Variants in TRPC6 observed in about 807,000 individuals in gnomAD.
TRPC6 encodes transient receptor potential cation channel subfamily C member 6.
In TRPC6, 55 loss-of-function variants were observed where a neutral mutation model predicts 90.7. That is an observed-to-expected ratio of 0.61 (90% CI 0.49 to 0.76). The LOEUF (loss-of-function observed/expected upper bound fraction) is 0.76. Ranked by LOEUF, TRPC6 falls within the 30% of genes least tolerant of loss-of-function variation. The pLI is 0.00. For synonymous variants in TRPC6, 393 were observed against 393.0 expected (o/e 1.00, Z 0.00); for missense variants, 989 against 1,122.7 (o/e 0.88, Z 1.70).
rs1419102467 is a variant in TRPC6 at position 101,483,120 on chromosome 11, C to A, written c.1339G>T (p.Ala447Ser). The A allele has an allele frequency of 6.2e-7, 1 of 1,614,000 alleles. No individual in the cohort carries two copies. The highest frequency in any genetic ancestry group is 8.5e-7 in the Non-Finnish European group (1 of 1,179,924). ...RGPFMKFVAH[A>S]ASFTIFLGLL... is the part of the protein sequence containing the mutation. ...CCCAGAAAAATGGTGAAGGAGGCTGCGTGTGCTACAAACTTCATGAATGGT... is the reference window on the plus strand; with the variant it reads ...CCCAGAAAAATGGTGAAGGAGGCTGAGTGTGCTACAAACTTCATGAATGGT... The change falls in exon 5 of 13, where the codon GCA becomes TCA. Residue 447 changes from alanine to serine, a missense_variant. Around this residue, in one of 4 missense-constraint regions of TRPC6, gnomAD observed 486 missense variants for 591.9 expected, o/e 0.82. Coordinates refer to ENST00000344327, the MANE Select transcript of TRPC6 (RefSeq NM_004621.6).
chr11:101,514,577 G>A (rs1051178562), intron 1 of TRPC6, among the ~76,000 whole-genome samples: 15 of 152,168 alleles, frequency 9.9e-5, no homozygotes, highest in South Asian at 4.1e-4. Context: ...AGGATTTCTG[G>A]TTCCTGGCTC....
intron 1 of TRPC6, among the ~76,000 whole-genome samples, chr11:101,530,306 G>A (rs528637941): frequency 1.9e-4 from 29 of 152,138 alleles, no homozygotes; most frequent in African/African-American, 7.0e-4. Context: ...CTGGGAAGCA[G>A]GCTTGCTGAA....
At chr11:101,502,045 A>G (rs1404784314) in intron 2 of TRPC6, among the ~76,000 whole-genome samples, 1 of 152,152 alleles carries the variant, frequency 6.6e-6, no homozygotes, top group Non-Finnish European at 1.5e-5. Context: ...TGCTCAAGAC[A>G]ATGGAGCAAA....
chr11:101,578,972 G>GT (rs927361655), intron 1 of TRPC6, among the ~76,000 whole-genome samples: 4 of 151,498 alleles, frequency 2.6e-5, no homozygotes, highest in South Asian at 2.1e-4. Flanking sequence ...TTTAAATGGG[G>GT]TTTTTTTTCT....
chr11:101,470,661 G>T (rs1859267279), intron 9 of TRPC6, among the ~76,000 whole-genome samples: 1 of 152,064 alleles, frequency 6.6e-6, no homozygotes, highest in South Asian at 2.1e-4. Flanking sequence ...GCATCACCTT[G>T]TGGGATTACT....
rs1860218136 is a variant in TRPC6 at position 101,504,755 on chromosome 11, G to C, written c.214C>G (p.Leu72Val). Reference protein sequence around the residue: ...NRLAHRRQTVLREKGRRLANR... With the variant: ...NRLAHRRQTVVREKGRRLANR... ...GCTAACCTTCTCCCCTTCTCACGGAGAACTGTCTGCCGCCGGTGAGCCAGT... is the reference window on the plus strand; with the variant it reads ...GCTAACCTTCTCCCCTTCTCACGGACAACTGTCTGCCGCCGGTGAGCCAGT... The change falls in exon 2 of 13, where the codon CTC becomes GTC. Residue 72 changes from leucine to valine, a missense_variant. Coordinates refer to ENST00000344327, the MANE Select transcript of TRPC6 (RefSeq NM_004621.6). 6.2e-7 allele frequency: 1 copy of C among 1,605,138 alleles called. No individual in the cohort carries two copies. Among genetic ancestry groups the C allele is most frequent in the South Asian group, 1.1e-5 (1 of 89,662 alleles).
intron 1 of TRPC6, among the ~76,000 whole-genome samples, chr11:101,572,190 C>T (rs1188869423): frequency 1.3e-5 from 2 of 151,476 alleles, no homozygotes; most frequent in Non-Finnish European, 3.0e-5. Flanking sequence ...AACAAACAAC[C>T]CCATCAAAAA....
intron 10 of TRPC6, among the ~76,000 whole-genome samples, chr11:101,455,914 C>T (rs1858871334): frequency 6.6e-6 from 1 of 152,016 alleles, no homozygotes; most frequent in African/African-American, 2.4e-5. Flanking sequence ...TATAAATGAA[C>T]ATAAGCAATT....
At chr11:101,539,304 A>G (rs527626715) in intron 1 of TRPC6, among the ~76,000 whole-genome samples, 10 of 152,164 alleles carry the variant, frequency 6.6e-5, no homozygotes, top group Non-Finnish European at 1.2e-4. Context: ...ATTGACCATA[A>G]GCCTTGTGCA....
intron 5 of TRPC6, among the ~76,000 whole-genome samples, chr11:101,481,966 T>C (rs1479736875): frequency 1.3e-5 from 2 of 152,198 alleles, no homozygotes; most frequent in South Asian, 2.1e-4. Flanking sequence ...AATGTTCCCA[T>C]GCCATCCTTG....
Position 101,476,386 on chromosome 11 carries a change from T to G in TRPC6, c.1659A>C (p.Lys553Asn). The G allele has an allele frequency of 6.2e-7, 1 of 1,614,144 alleles. No individual in the cohort carries two copies. The highest frequency in any genetic ancestry group is 8.5e-7 in the Non-Finnish European group (1 of 1,180,008). ...CATTTGCGTCAATGATGCTCTGGGC[T>G]TTGGAAGCATGCCAAAATGCCATGA... is the stretch of plus-strand genomic sequence containing the variant. ...ARFMAFWHAS[K>N]AQSIIDANDT... is the part of the protein sequence containing the mutation. Residue 553 changes from lysine to asparagine, a missense_variant, in exon 6 of 13, where the codon AAA (lysine) becomes AAC (asparagine). Lys to Asn is a moderately conservative substitution (Grantham distance 94). Around this residue, in one of 4 missense-constraint regions of TRPC6, gnomAD observed 486 missense variants for 591.9 expected, o/e 0.82. Transcript: ENST00000344327.
rs759424411 is a variant in TRPC6 at position 101,476,517 on chromosome 11, A to G, written c.1528T>C (p.Cys510Arg). Residue 510 changes from cysteine to arginine, a missense_variant, in exon 6 of 13, where the codon TGT (cysteine) becomes CGT (arginine). This residue lies in a region of TRPC6 where 486 missense variants were observed against 591.9 expected (regional missense o/e 0.82). Transcript: ENST00000344327. The stretch of plus-strand genomic sequence containing the variant: ...GGGCCCTGAGTCCAGATTTCTTTAC[A>G]TTCAGCCCATATCATGCCTGCATCA... ...SWVIGMIWAECKEIWTQGPKE... is the reference protein window; with the variant it reads ...SWVIGMIWAERKEIWTQGPKE... 3.1e-6 allele frequency: 5 copies of G among 1,613,996 alleles called. No homozygotes were observed. The highest frequency in any genetic ancestry group is 4.2e-6 in the Non-Finnish European group (5 of 1,179,892).
At chr11:101,532,697 A>G (rs1336109331) in intron 1 of TRPC6, among the ~76,000 whole-genome samples, 1 of 152,192 alleles carries the variant, frequency 6.6e-6, no homozygotes, top group Admixed American at 6.5e-5. Context: ...AATTCAGCTG[A>G]TAAGAAGGAT....
chr11:101,552,338 A>G (rs1259164949), intron 1 of TRPC6, among the ~76,000 whole-genome samples: 2 of 152,106 alleles, frequency 1.3e-5, no homozygotes, highest in Non-Finnish European at 1.5e-5. Flanking sequence ...CCTATATTTG[A>G]AAACATAATA....
chr11:101,537,169 T>C (rs1311109570), intron 1 of TRPC6, among the ~76,000 whole-genome samples: 1 of 152,208 alleles, frequency 6.6e-6, no homozygotes, highest in Non-Finnish European at 1.5e-5. Flanking sequence ...ATATTCAAAA[T>C]AGTACTTCCA....
intron 4 of TRPC6, among the ~76,000 whole-genome samples, chr11:101,484,375 A>G (rs1479084727): frequency 6.6e-6 from 1 of 152,192 alleles, no homozygotes; most frequent in Admixed American, 6.5e-5. Flanking sequence ...CTACATATGT[A>G]AATTATTAGG....
intron 1 of TRPC6, among the ~76,000 whole-genome samples, chr11:101,576,778 C>G (rs2136898387): frequency 6.6e-6 from 1 of 152,302 alleles, no homozygotes; most frequent in East Asian, 1.9e-4. Flanking sequence ...CTTCTTACAA[C>G]TCAAGGAGCA....
At chr11:101,474,472 A>C (rs1231848531) in intron 6 of TRPC6, among the ~76,000 whole-genome samples, 1 of 152,184 alleles carries the variant, frequency 6.6e-6, no homozygotes, top group Non-Finnish European at 1.5e-5. Context: ...GGGGAAAAAC[A>C]TAATTACAAA....
intron 1 of TRPC6, among the ~76,000 whole-genome samples, chr11:101,537,865 T>G (rs765550956): frequency 1.7e-4 from 26 of 152,244 alleles, no homozygotes; most frequent in Admixed American, 1.0e-3. Context: ...TGAGTAATTT[T>G]ACTAGAATGT....
Sources: gnomAD v4.1 joint callset for allele counts (sites outside exome capture counted in the v4.1 genomes callset) on GRCh38, gnomAD v4.1.1 for gene constraint, gnomAD v4.1.1 regional missense constraint, MANE v1.5 for transcripts, NCBI Gene and HGNC (gene_info 2026-07-23, HGNC 2026-07-21) for gene names.